NTM: variants seen among roughly 807,000 people sequenced by gnomAD.
NTM encodes IgLON family member 2.
NTM carries 13 observed loss-of-function variants against 42.1 expected under a neutral mutation model. The ratio of observed to expected loss-of-function variants is 0.31; its 90% CI spans 0.20 to 0.49. The LOEUF is 0.49. NTM is among the 20% of genes least tolerant of loss of function. NTM has a pLI of 0.99. For synonymous variants in NTM, 187 were observed against 179.2 expected, an observed-to-expected ratio of 1.04 and a Z score of -0.35; for missense variants, 373 against 452.8, an observed-to-expected ratio of 0.82 and a Z score of 1.60.
At chr11:131,531,130 C>A (rs1035812308) in intron 1 of NTM, among the ~76,000 whole-genome samples, 2 of 152,214 alleles carry the variant, frequency 1.3e-5, no homozygotes, top group African/African-American at 4.8e-5. Flanking sequence ...CACTGCCAGA[C>A]CAGAGCCAGA....
chr11:131,394,567 C>T (rs1000225209), intron 1 of NTM, among the ~76,000 whole-genome samples: 5 of 152,146 alleles, frequency 3.3e-5, no homozygotes, highest in East Asian at 1.9e-4. Flanking sequence ...CTTATCTGAA[C>T]GAACCTTCCA....
chr11:132,177,606 A>T (rs561445528), intron 3 of NTM, among the ~76,000 whole-genome samples: 7 of 152,320 alleles, frequency 4.6e-5, no homozygotes, highest in African/African-American at 1.7e-4. Context: ...TTTCCTAACA[A>T]GCAACTTCTT....
Position 131,456,938 on chromosome 11 carries a change from T to C in NTM, c.82+86050T>C, listed in dbSNP as rs142703384. Among the ~76,000 whole-genome samples, 115 of 152,280 alleles carry C rather than the reference T, an allele frequency of 7.6e-4. 3 individuals are homozygous for C. In the East Asian group the frequency reaches 0.018, roughly 24 times the overall value. On this transcript the variant is annotated intron_variant, in intron 1 of 8. Transcript: ENST00000683400. Reference sequence around the variant, plus strand: ...TGTCTCCTCAGTTCACGCAACACCATGTGTGAGGTCCTATGCTGGATGACG... The same window carrying C: ...TGTCTCCTCAGTTCACGCAACACCACGTGTGAGGTCCTATGCTGGATGACG...
At chr11:131,605,698 G>A in intron 1 of NTM, 1 of 681,170 alleles carries the variant, frequency 1.5e-6, no homozygotes, top group Middle Eastern at 7.4e-4. Flanking sequence ...CTTTATCAGG[G>A]TGAGGACGTT....
intron 1 of NTM, among the ~76,000 whole-genome samples, chr11:131,644,449 A>G (rs542141074): frequency 1.3e-5 from 2 of 152,310 alleles, no homozygotes; most frequent in Admixed American, 6.5e-5. Flanking sequence ...TAGTCCCATC[A>G]GTCCAGTCTC....
At chr11:132,046,878 T>A (rs1342339219) in intron 2 of NTM, among the ~76,000 whole-genome samples, 1 of 152,224 alleles carries the variant, frequency 6.6e-6, no homozygotes, top group Non-Finnish European at 1.5e-5. Flanking sequence ...TATTTATAAA[T>A]CATCAATCTA....
intron 1 of NTM, among the ~76,000 whole-genome samples, chr11:131,403,250 AG>A: frequency 6.6e-6 from 1 of 152,326 alleles, no homozygotes; most frequent in East Asian, 1.9e-4. Context: ...CAATGGCTCA[AG>A]TCCACCTCTG....
chr11:131,697,591 A>G (rs993609021), intron 1 of NTM, among the ~76,000 whole-genome samples: 1 of 152,118 alleles, frequency 6.6e-6, no homozygotes, highest in African/African-American at 2.4e-5. Context: ...CTTCCAATTC[A>G]GTAATTTTAT....
At chr11:131,974,440 G>C (rs897918138) in intron 2 of NTM, among the ~76,000 whole-genome samples, 1 of 152,198 alleles carries the variant, frequency 6.6e-6, no homozygotes, top group Admixed American at 6.5e-5. Flanking sequence ...AATTTGAACA[G>C]TGATGAGCAT....
intron 1 of NTM, among the ~76,000 whole-genome samples, chr11:131,450,559 G>A (rs909482129): frequency 6.6e-6 from 1 of 152,160 alleles, no homozygotes; most frequent in African/African-American, 2.4e-5. Context: ...CCAACCATGT[G>A]CACGTAAACC....
intron 2 of NTM, among the ~76,000 whole-genome samples, chr11:132,092,376 A>T (rs1594588313): frequency 6.6e-6 from 1 of 152,150 alleles, no homozygotes; most frequent in Non-Finnish European, 1.5e-5. Flanking sequence ...TCTCACCAAG[A>T]TGACCACTGG....
At chr11:132,029,557 G>T (rs2075653891) in intron 2 of NTM, among the ~76,000 whole-genome samples, 1 of 152,062 alleles carries the variant, frequency 6.6e-6, no homozygotes, top group South Asian at 2.1e-4. Context: ...GCATGATGAT[G>T]ATGACTCCAG....
intron 1 of NTM, among the ~76,000 whole-genome samples, chr11:131,711,018 C>A (rs2077065113): frequency 6.6e-6 from 1 of 151,990 alleles, no homozygotes; most frequent in South Asian, 2.1e-4. Context: ...CTTATTCTCT[C>A]AAAAAACCCT....
chr11:131,751,832 C>A (rs952264158), intron 1 of NTM, among the ~76,000 whole-genome samples: 6 of 134,190 alleles, frequency 4.5e-5, no homozygotes, highest in African/African-American at 1.7e-4. Context: ...GTTTGTTTAA[C>A]ATCTGCCTCA....
chr11:132,252,101 C>T (rs1231092077), intron 4 of NTM, among the ~76,000 whole-genome samples: 6 of 152,116 alleles, frequency 3.9e-5, no homozygotes, highest in South Asian at 2.1e-4. Flanking sequence ...CTCCCTCCTA[C>T]CTCTCCTTTT....
chr11:131,672,537 G>T (rs577866552), intron 1 of NTM, among the ~76,000 whole-genome samples: 4 of 152,172 alleles, frequency 2.6e-5, no homozygotes, highest in African/African-American at 9.7e-5. Flanking sequence ...CTTCGGCCTG[G>T]CCTCTTCCTA....
intron 1 of NTM, among the ~76,000 whole-genome samples, chr11:131,738,743 G>T (rs2080807657): frequency 6.7e-6 from 1 of 149,798 alleles, no homozygotes; most frequent in South Asian, 2.2e-4. Context: ...AGAAGCTTAT[G>T]TGATTTTGAC....
At position 132,096,480 on chromosome 11, in the gene NTM, A is replaced by G. The variant is rs186187413; in HGVS notation, c.168-49802A>G. ...AATGGGGAATAGAAATAGAACCCCAAGATTGAATGACTCACTTAGTATTTA... is the reference window on the plus strand; with the variant it reads ...AATGGGGAATAGAAATAGAACCCCAGGATTGAATGACTCACTTAGTATTTA... On this transcript the variant is annotated intron_variant, in intron 2 of 8. Coordinates refer to ENST00000683400, the MANE Select transcript of NTM (RefSeq NM_001352005.2). Among the ~76,000 whole-genome samples the G allele has an allele frequency of 2.1e-3, 324 of 152,320 alleles. 1 individual carries two copies. Among genetic ancestry groups the G allele is most frequent in the African/African-American group, 7.4e-3 (307 of 41,574 alleles).
intron 1 of NTM, among the ~76,000 whole-genome samples, chr11:131,652,021 C>A (rs377573431): frequency 6.6e-6 from 1 of 152,126 alleles, no homozygotes; most frequent in Non-Finnish European, 1.5e-5. Context: ...TGGAAGCAGA[C>A]ACTCTCCCAT....
Sources: gnomAD v4.1 joint callset for allele counts (sites outside exome capture counted in the v4.1 genomes callset) on GRCh38, gnomAD v4.1.1 for gene constraint, MANE v1.5 for transcripts, NCBI Gene and HGNC (gene_info 2026-07-23, HGNC 2026-07-21) for gene names.